The following FHIT variants were observed in gnomAD, a reference collection of about 807,000 sequenced individuals.
FHIT encodes fragile histidine triad diadenosine triphosphatase.
A neutral mutation model predicts 17.9 loss-of-function variants in FHIT; 19 were observed. The ratio of observed to expected loss-of-function variants is 1.06; its 90% CI spans 0.74 to 1.56. The LOEUF (loss-of-function observed/expected upper bound fraction) is 1.56, where lower values mean the gene tolerates loss of function less well. FHIT is among the 40% of genes most tolerant of loss of function. The probability of loss-of-function intolerance (pLI) is 0.00; values close to 1 mark genes in which losing one functional copy is unlikely to be tolerated. For missense variants in FHIT, 248 were observed against 189.2 expected (o/e 1.31, Z -1.82); for synonymous variants, 81 against 69.7 (o/e 1.16, Z -0.81).
chr3:60,097,168 G>C (rs778100865), intron 5 of FHIT, among the ~76,000 whole-genome samples: 15 of 151,962 alleles, frequency 9.9e-5, no homozygotes, highest in Non-Finnish European at 1.5e-4. Flanking sequence ...TTTTAGTCCA[G>C]TTATTACACC....
intron 8 of FHIT, among the ~76,000 whole-genome samples, chr3:59,808,738 C>T (rs1700299122): frequency 6.6e-6 from 1 of 152,154 alleles, no homozygotes; most frequent in Non-Finnish European, 1.5e-5. Context: ...GCTTTAACTA[C>T]ACCGATTTGG....
intron 5 of FHIT, among the ~76,000 whole-genome samples, chr3:60,438,179 G>C (rs542548326): frequency 4.6e-5 from 7 of 151,978 alleles, no homozygotes; most frequent in African/African-American, 1.4e-4. Context: ...CTCCAGTAGG[G>C]AACTTCCCCT....
chr3:60,818,870 A>G (rs572148641), intron 4 of FHIT, among the ~76,000 whole-genome samples: 2 of 152,244 alleles, frequency 1.3e-5, no homozygotes, highest in African/African-American at 4.8e-5. Context: ...ACCCGAAATG[A>G]CATTAATTTT....
chr3:59,878,488 G>T (rs1703261787), intron 8 of FHIT, among the ~76,000 whole-genome samples: 1 of 152,104 alleles, frequency 6.6e-6, no homozygotes, highest in African/African-American at 2.4e-5. Flanking sequence ...ATTTTCAGAG[G>T]CAGGTCAGAA....
intron 5 of FHIT, among the ~76,000 whole-genome samples, chr3:60,447,145 G>A (rs1008458144): frequency 6.6e-5 from 10 of 152,024 alleles, no homozygotes; most frequent in Middle Eastern, 3.2e-3. Flanking sequence ...TCCCGGCTCA[G>A]CACTCTATAG....
At chr3:60,207,506 A>G (rs1262372975) in intron 5 of FHIT, among the ~76,000 whole-genome samples, 2 of 152,068 alleles carry the variant, frequency 1.3e-5, no homozygotes, top group African/African-American at 2.4e-5. Flanking sequence ...TTTCTGATAA[A>G]CTTTAAAATG....
At chr3:59,956,762 G>T (rs533234192) in intron 7 of FHIT, among the ~76,000 whole-genome samples, 1 of 152,182 alleles carries the variant, frequency 6.6e-6, no homozygotes, top group Non-Finnish European at 1.5e-5. Flanking sequence ...TCACATAGTG[G>T]TGAATATTCA....
intron 5 of FHIT, among the ~76,000 whole-genome samples, chr3:60,455,578 A>C (rs1429505260): frequency 1.3e-5 from 2 of 152,160 alleles, no homozygotes; most frequent in African/African-American, 4.8e-5. Flanking sequence ...TTTAGTATGA[A>C]TAATAATTAT....
chr3:60,793,744 G>A (rs1387192076), intron 4 of FHIT, among the ~76,000 whole-genome samples: 1 of 152,178 alleles, frequency 6.6e-6, no homozygotes, highest in Non-Finnish European at 1.5e-5. Flanking sequence ...CCCACCAGAG[G>A]CAAGGAAACT....
Position 59,832,068 on chromosome 3 carries a change from G to GC in FHIT, c.349-79748dup, listed in dbSNP as rs999660282. Among the ~76,000 whole-genome samples the GC allele has an allele frequency of 1.4e-4, 21 of 152,084 alleles. No individual in the cohort carries two copies. The East Asian group carries it at 1.6e-3, about 11-fold the overall frequency. Reference sequence around the variant, plus strand: ...TTACTCCTTACCCAGTGATCCACTTGCCCCCCCATGATGTGCACTGTAGGG... The same window carrying GC: ...TTACTCCTTACCCAGTGATCCACTTGCCCCCCCCATGATGTGCACTGTAGGG... On this transcript the variant is annotated intron_variant, in intron 8 of 9. Transcript: ENST00000492590.
chr3:61,027,753 A>G (rs909743081), intron 3 of FHIT, among the ~76,000 whole-genome samples: 1 of 152,208 alleles, frequency 6.6e-6, no homozygotes, highest in African/African-American at 2.4e-5. Flanking sequence ...CTGGCTATGG[A>G]TATAAGAATT....
intron 4 of FHIT, among the ~76,000 whole-genome samples, chr3:60,662,450 G>A (rs1205086751): frequency 6.6e-6 from 1 of 152,152 alleles, no homozygotes; most frequent in Non-Finnish European, 1.5e-5. Context: ...TGGTCTTATA[G>A]TATAGTTTGA....
intron 5 of FHIT, among the ~76,000 whole-genome samples, chr3:60,487,699 A>AT (rs1457152556): frequency 6.6e-6 from 1 of 152,224 alleles, no homozygotes; most frequent in Non-Finnish European, 1.5e-5. Context: ...CCTATCAGAA[A>AT]TTCAAAACAC....
intron 2 of FHIT, among the ~76,000 whole-genome samples, chr3:61,173,475 G>A (rs1261361644): frequency 1.3e-5 from 2 of 152,254 alleles, no homozygotes; most frequent in African/African-American, 4.8e-5. Flanking sequence ...TGCTTTCGAT[G>A]TCTTTGGTGG....
chr3:60,170,979 T>C (rs376979389), intron 5 of FHIT, among the ~76,000 whole-genome samples: 16 of 152,284 alleles, frequency 1.1e-4, no homozygotes, highest in African/African-American at 2.6e-4. Flanking sequence ...AGCCAACTTA[T>C]TGGGGAGAAC....
intron 4 of FHIT, among the ~76,000 whole-genome samples, chr3:60,682,169 C>T (rs993977192): frequency 6.6e-6 from 1 of 152,118 alleles, no homozygotes; most frequent in African/African-American, 2.4e-5. Flanking sequence ...GACATGGTTT[C>T]CCCATGTTGG....
intron 2 of FHIT, among the ~76,000 whole-genome samples, chr3:61,145,883 G>A (rs2037212629): frequency 6.6e-6 from 1 of 151,856 alleles, no homozygotes; most frequent in Admixed American, 6.6e-5. Flanking sequence ...TGCTGAACTC[G>A]TTTAGTAGTT....
intron 3 of FHIT, among the ~76,000 whole-genome samples, chr3:60,982,796 T>G (rs140591619): frequency 4.6e-5 from 7 of 152,354 alleles, no homozygotes; most frequent in Admixed American, 1.3e-4. Flanking sequence ...GTATTACCAT[T>G]GAATTCCAGT....
At chr3:59,782,327 G>A (rs929217740) in intron 8 of FHIT, among the ~76,000 whole-genome samples, 6 of 152,062 alleles carry the variant, frequency 3.9e-5, no homozygotes, top group Admixed American at 6.6e-5. Flanking sequence ...GTTGTTGTGT[G>A]CCTGTAATAA....
Sources: gnomAD v4.1 joint callset for allele counts (sites outside exome capture counted in the v4.1 genomes callset) on GRCh38, gnomAD v4.1.1 for gene constraint, MANE v1.5 for transcripts, NCBI Gene and HGNC (gene_info 2026-07-23, HGNC 2026-07-21) for gene names.